Variants in ANKRD45 observed in about 807,000 individuals in gnomAD.
ANKRD45 encodes the protein ankyrin repeat domain 45.
In ANKRD45, 21 loss-of-function variants were observed where a neutral mutation model predicts 28.1. That is an observed-to-expected ratio of 0.75 (90% CI 0.53 to 1.08). The LOEUF is 1.08. ANKRD45 is among the 50% of genes least tolerant of loss of function. ANKRD45 has a pLI of 0.00. For missense variants in ANKRD45, 261 were observed against 308.7 expected (o/e 0.85, Z 1.16); for synonymous variants, 86 against 103.9 (o/e 0.83, Z 1.05).
At chr1:173,638,183 G>A (rs976484719) in intron 3 of ANKRD45, among the ~76,000 whole-genome samples, 36 of 152,052 alleles carry the variant, frequency 2.4e-4, no homozygotes, top group African/African-American at 4.1e-4. Flanking sequence ...AGGAACCACC[G>A]AAAGGGAAAA....
chr1:173,634,525 C>A (rs371820345), intron 3 of ANKRD45, among the ~76,000 whole-genome samples: 1 of 151,750 alleles, frequency 6.6e-6, no homozygotes, highest in East Asian at 1.9e-4. Context: ...TCTTAGATAC[C>A]CTCTCTACAC....
the ANKRD45 span, among the ~76,000 whole-genome samples, chr1:173,703,904 A>T: frequency 3.3e-5 from 5 of 152,266 alleles, no homozygotes; most frequent in African/African-American, 7.2e-5. Flanking sequence ...TCAGACTTCT[A>T]GCCTCCAGAA....
At chr1:173,696,003 C>T in the ANKRD45 span, among the ~76,000 whole-genome samples, 4 of 152,140 alleles carry the variant, frequency 2.6e-5, no homozygotes, top group Admixed American at 2.6e-4. Context: ...GGTACTCTGC[C>T]CCCATTTGCC....
intron 3 of ANKRD45, among the ~76,000 whole-genome samples, chr1:173,646,567 T>C (rs1668938112): frequency 6.6e-6 from 1 of 152,218 alleles, no homozygotes; most frequent in Non-Finnish European, 1.5e-5. Context: ...GAACATACAA[T>C]AATCTTCTTA....
chr1:173,697,574 A>C, the ANKRD45 span, among the ~76,000 whole-genome samples: 1 of 152,212 alleles, frequency 6.6e-6, no homozygotes, highest in Non-Finnish European at 1.5e-5. Context: ...TAAGCTTCAT[A>C]AGTGAAGGAG....
chr1:173,613,564 C>A (rs1231415145), intron 5 of ANKRD45, among the ~76,000 whole-genome samples: 8 of 118,952 alleles, frequency 6.7e-5, no homozygotes, highest in Non-Finnish European at 1.1e-4. Flanking sequence ...GGGGGTCAGC[C>A]CCCCCCCCGG....
At chr1:173,655,901 C>A (rs1458411448) in intron 2 of ANKRD45, among the ~76,000 whole-genome samples, 4 of 152,240 alleles carry the variant, frequency 2.6e-5, no homozygotes, top group Non-Finnish European at 4.4e-5. Context: ...GGCATGGGAC[C>A]CGCCAAGCCA....
At chr1:173,633,243 C>T (rs890736365) in intron 3 of ANKRD45, among the ~76,000 whole-genome samples, 21 of 151,658 alleles carry the variant, frequency 1.4e-4, no homozygotes, top group African/African-American at 4.8e-4. Context: ...ACTCCATTTA[C>T]AATACATACA....
intron 3 of ANKRD45, among the ~76,000 whole-genome samples, chr1:173,641,770 GT>G (rs1228013078): frequency 6.6e-6 from 1 of 152,152 alleles, no homozygotes; most frequent in African/African-American, 2.4e-5. Flanking sequence ...TGCTATTGGG[GT>G]CCCATGAGGA....
intron 5 of ANKRD45, among the ~76,000 whole-genome samples, chr1:173,616,249 C>T (rs1031182138): frequency 5.3e-5 from 8 of 152,044 alleles, no homozygotes; most frequent in African/African-American, 1.7e-4. Context: ...AAAGGCAACA[C>T]ATACTATATT....
chr1:173,690,354 T>C, the ANKRD45 span, among the ~76,000 whole-genome samples: 1 of 151,842 alleles, frequency 6.6e-6, no homozygotes, highest in African/African-American at 2.4e-5. Flanking sequence ...TCGGGGACAC[T>C]GAGTGGGGGA....
At chr1:173,623,759 C>T (rs1361894839) in intron 5 of ANKRD45, among the ~76,000 whole-genome samples, 1 of 151,988 alleles carries the variant, frequency 6.6e-6, no homozygotes, top group Admixed American at 6.6e-5. Flanking sequence ...AACATATATA[C>T]CATGGAATAC....
At chr1:173,628,725 G>A (rs954195934) in intron 3 of ANKRD45, among the ~76,000 whole-genome samples, 5 of 152,206 alleles carry the variant, frequency 3.3e-5, no homozygotes, top group Non-Finnish European at 7.3e-5. Context: ...CTTTACGGAA[G>A]GACGCATGCC....
At chr1:173,613,252 G>A (rs1297297311) in intron 5 of ANKRD45, among the ~76,000 whole-genome samples, 304 of 151,902 alleles carry the variant, frequency 2.0e-3, no homozygotes, top group African/African-American at 7.0e-3. Flanking sequence ...GACCCCGTCT[G>A]GGAGGTGAGG....
the ANKRD45 span, among the ~76,000 whole-genome samples, chr1:173,712,213 T>C: frequency 6.6e-6 from 1 of 152,126 alleles, no homozygotes; most frequent in Non-Finnish European, 1.5e-5. Flanking sequence ...CCCAACCAAT[T>C]GGCAAAAACA....
chr1:173,621,799 C>A (rs1667717225), intron 5 of ANKRD45, among the ~76,000 whole-genome samples: 1 of 152,162 alleles, frequency 6.6e-6, no homozygotes, highest in Admixed American at 6.5e-5. Context: ...ATTGGAAATT[C>A]TGGCTAGGGA....
intron 2 of ANKRD45, among the ~76,000 whole-genome samples, chr1:173,651,390 A>T (rs1669213011): frequency 6.6e-6 from 1 of 152,136 alleles, no homozygotes; most frequent in East Asian, 1.9e-4. Context: ...TTTGTCAAAG[A>T]TCAGATGATT....
the ANKRD45 span, among the ~76,000 whole-genome samples, chr1:173,681,451 CTTTTA>C: frequency 1.3e-5 from 2 of 152,054 alleles, no homozygotes; most frequent in Non-Finnish European, 2.9e-5. Flanking sequence ...TATTTAACTG[CTTTTA>C]TTTTCTTAAG....
chr1:173,614,030 C>T (rs1009467625), intron 5 of ANKRD45, among the ~76,000 whole-genome samples: 2 of 152,040 alleles, frequency 1.3e-5, no homozygotes, highest in Admixed American at 6.6e-5. Flanking sequence ...GGATTAAGGG[C>T]GGTGCAAGAT....
Sources: allele counts gnomAD v4.1 joint callset (sites outside exome capture counted in the v4.1 genomes callset), GRCh38; gene constraint gnomAD v4.1.1; transcripts MANE v1.5; gene names NCBI Gene and HGNC (gene_info 2026-07-23, HGNC 2026-07-21).